The following MVB12B variants were observed in gnomAD, a reference collection of about 807,000 sequenced individuals.
The protein encoded by MVB12B is ESCRT-I complex subunit MVB12B.
MVB12B carries 16 observed loss-of-function variants against 41.6 expected under a neutral mutation model. The observed-to-expected ratio is 0.38, with a 90% confidence interval of 0.26 to 0.58. The LOEUF (loss-of-function observed/expected upper bound fraction) is 0.58, where lower values mean the gene tolerates loss of function less well. MVB12B is among the 20% of genes least tolerant of loss of function. The pLI is 0.62. For missense variants in MVB12B, 274 were observed against 380.2 expected (o/e 0.72, Z 2.32); for synonymous variants, 133 against 139.7 (o/e 0.95, Z 0.34).
At chr9:126,469,444 G>A (rs1833268721) in intron 7 of MVB12B, among the ~76,000 whole-genome samples, 1 of 152,240 alleles carries the variant, frequency 6.6e-6, no homozygotes, top group Admixed American at 6.5e-5. Context: ...GTTTTGAGAA[G>A]GTAAAAAGAG....
Position 126,503,416 on chromosome 9 carries a change from A to ATCCT in MVB12B, c.*154_*157dup, listed in dbSNP as rs1834004891. On this transcript the variant is annotated 3_prime_UTR_variant, in exon 10 of 10. Transcript: ENST00000361171. ...GGAGACTGGGCAGCTAAGTGGGCGCATCCTGTCTTCAGCTGGCCTCACTGA... is the reference window on the plus strand; with the variant it reads ...GGAGACTGGGCAGCTAAGTGGGCGCATCCTTCCTGTCTTCAGCTGGCCTCACTGA... 3 of 638,006 alleles carry ATCCT rather than the reference A, an allele frequency of 4.7e-6. No homozygotes were observed. The South Asian group carries it at 5.8e-5, about 12-fold the overall frequency. The allele number at this position is 638,006 out of a possible 1,614,324, so 39.5% of individuals were successfully genotyped here.
chr9:126,391,107 C>T lies in MVB12B; in HGVS notation c.410-959C>T, dbSNP rs111571625. 3.9e-5 allele frequency among the ~76,000 whole-genome samples: 6 copies of T among 152,136 alleles called. No individual in the cohort carries two copies. The highest frequency in any genetic ancestry group is 1.2e-4 in the African/African-American group (5 of 41,422). On this transcript the variant is annotated intron_variant, in intron 4 of 9. Coordinates refer to ENST00000361171, the MANE Select transcript of MVB12B (RefSeq NM_033446.3). This position sits in a 1 kb window ranked among gnomAD's most constrained non-coding sequence, Gnocchi z 4.4. ...GAACTGTGTGACCGAGGTCCTGGGCCGACGCCAGCAGAGCTCAGCAAGAAT... is the reference window on the plus strand; with the variant it reads ...GAACTGTGTGACCGAGGTCCTGGGCTGACGCCAGCAGAGCTCAGCAAGAAT...
At chr9:126,479,873 T>C (rs1384981521) in intron 7 of MVB12B, among the ~76,000 whole-genome samples, 1 of 152,258 alleles carries the variant, frequency 6.6e-6, no homozygotes, top group African/African-American at 2.4e-5. Flanking sequence ...TGTATGAACG[T>C]AGCATGAGCC....
intron 6 of MVB12B, among the ~76,000 whole-genome samples, chr9:126,413,818 T>TGTGTGTGTG (rs1831718935): frequency 9.1e-6 from 1 of 109,390 alleles, no homozygotes; most frequent in Non-Finnish European, 2.0e-5. Flanking sequence ...ACCCCATTGG[T>TGTGTGTGTG]TGTGTGTGTG....
intron 7 of MVB12B, 127 bp downstream of exon 7, chr9:126,422,075 C>A (rs1047381028): frequency 4.6e-5 from 32 of 698,722 alleles, no homozygotes; most frequent in Non-Finnish European, 7.3e-5. Context: ...TGCAGGGGAC[C>A]TGTTCCCTGC....
intron 9 of MVB12B, among the ~76,000 whole-genome samples, chr9:126,500,754 T>G (rs537218700): frequency 6.6e-6 from 1 of 152,228 alleles, no homozygotes; most frequent in Non-Finnish European, 1.5e-5. Flanking sequence ...CGTGGCACTC[T>G]CCTCTGCACC....
chr9:126,403,648 G>A (rs149040369), intron 6 of MVB12B, among the ~76,000 whole-genome samples: 5 of 152,266 alleles, frequency 3.3e-5, no homozygotes, highest in African/African-American at 7.2e-5. Context: ...TTGCATCACC[G>A]TTCATCAAAT....
chr9:126,374,598 C>A (rs2118937751), intron 2 of MVB12B, among the ~76,000 whole-genome samples: 1 of 152,358 alleles, frequency 6.6e-6, no homozygotes, highest in South Asian at 2.1e-4. Flanking sequence ...GTGGCACTGG[C>A]AGCCACCATC....
chr9:126,334,125 C>T (rs999277638), intron 1 of MVB12B, among the ~76,000 whole-genome samples: 2 of 152,146 alleles, frequency 1.3e-5, no homozygotes, highest in Non-Finnish European at 2.9e-5. Flanking sequence ...GTGGACTTTC[C>T]GTCTCATTAC....
intron 9 of MVB12B, among the ~76,000 whole-genome samples, chr9:126,497,636 G>A (rs921150158): frequency 4.6e-5 from 7 of 150,584 alleles, no homozygotes; most frequent in Admixed American, 1.3e-4. Context: ...CCTCATCTCC[G>A]GGGCATGAGG....
intron 9 of MVB12B, 31 bp downstream of exon 9, chr9:126,484,063 G>A (rs1833584472): frequency 1.2e-6 from 2 of 1,607,414 alleles, no homozygotes; most frequent in Middle Eastern, 1.6e-4. Context: ...GGGGAGGGCA[G>A]GCCTGGGCCA....
At position 126,395,662 on chromosome 9, in the gene MVB12B, A is replaced by T; in HGVS notation, c.627A>T (p.Ser209=). ...DSSQPTTPSQ[S]SAASTPAPNL... is the part of the protein sequence containing the mutation. ...CTCAACCCACAACGCCTTCCCAGTC[A>T]TCAGCTGCCTCCACCCCAGCCCCCA... Residue 209 remains serine, a synonymous_variant, in exon 6 of 10, where the codon TCA becomes TCT. Transcript: ENST00000361171. This position sits in a 1 kb window ranked among gnomAD's most constrained non-coding sequence, Gnocchi z 4.9. 2 of 1,614,176 alleles carry T rather than the reference A, an allele frequency of 1.2e-6. No individual in the cohort carries two copies. The highest frequency in any genetic ancestry group is 1.7e-6 in the Non-Finnish European group (2 of 1,180,022).
At chr9:126,400,232 T>C (rs1329802605) in intron 6 of MVB12B, among the ~76,000 whole-genome samples, 1 of 152,096 alleles carries the variant, frequency 6.6e-6, no homozygotes, top group Non-Finnish European at 1.5e-5. Flanking sequence ...AGTAGAAGTG[T>C]TTCCAGGTGG....
At chr9:126,440,449 C>T (rs1390303560) in intron 7 of MVB12B, among the ~76,000 whole-genome samples, 1 of 152,168 alleles carries the variant, frequency 6.6e-6, no homozygotes, top group Non-Finnish European at 1.5e-5. Context: ...CCCTCTGCCA[C>T]GAGTGAACTG....
intron 2 of MVB12B, among the ~76,000 whole-genome samples, chr9:126,369,348 C>T (rs573563957): frequency 6.6e-6 from 1 of 152,242 alleles, no homozygotes; most frequent in East Asian, 1.9e-4. Flanking sequence ...ACAAAATATT[C>T]CAAATATATA....
intron 9 of MVB12B, among the ~76,000 whole-genome samples, chr9:126,489,297 G>C (rs1472431730): frequency 1.3e-5 from 2 of 152,224 alleles, no homozygotes; most frequent in Admixed American, 6.5e-5. Context: ...CATGTTCCCA[G>C]GCCCCCTCAC....
intron 2 of MVB12B, among the ~76,000 whole-genome samples, chr9:126,351,295 T>G (rs1829740290): frequency 6.6e-6 from 1 of 152,166 alleles, no homozygotes; most frequent in Non-Finnish European, 1.5e-5. Context: ...TGTTTTTTTC[T>G]TATGATTCCT....
intron 2 of MVB12B, among the ~76,000 whole-genome samples, chr9:126,374,624 G>A (rs960515026): frequency 6.6e-6 from 1 of 152,234 alleles, no homozygotes; most frequent in African/African-American, 2.4e-5. Context: ...GACTGCCTGG[G>A]TGCTGCAGCT....
In MVB12B at chr9:126,502,431, C is replaced by T. The variant is rs141588715; in HGVS notation, c.874-746C>T. Among the ~76,000 whole-genome samples, 767 of 152,278 alleles carry T rather than the reference C, an allele frequency of 5.0e-3. 7 individuals are homozygous for T. Among genetic ancestry groups the T allele is most frequent in the African/African-American group, 0.018 (734 of 41,560 alleles). On this transcript the variant is annotated intron_variant, in intron 9 of 9. Coordinates refer to ENST00000361171, the MANE Select transcript of MVB12B (RefSeq NM_033446.3). ...CTCTAAATTTCCATCAGACTTGGAACGCGATTTAGTGAGCCAGGGTCGGTT... is the reference window on the plus strand; with the variant it reads ...CTCTAAATTTCCATCAGACTTGGAATGCGATTTAGTGAGCCAGGGTCGGTT...
Sources: allele counts gnomAD v4.1 joint callset (sites outside exome capture counted in the v4.1 genomes callset), GRCh38; gene constraint gnomAD v4.1.1; non-coding constraint Gnocchi (gnomAD v3.1); transcripts MANE v1.5; gene names NCBI Gene and HGNC (gene_info 2026-07-23, HGNC 2026-07-21).